TLCD4: variants seen among roughly 807,000 people sequenced by gnomAD.
The protein encoded by TLCD4 is TLC domain containing 4, also known as TLC domain-containing protein 4.
A neutral mutation model predicts 24.2 loss-of-function variants in TLCD4; 7 were observed. That is an observed-to-expected ratio of 0.29 (90% CI 0.16 to 0.54). The LOEUF is 0.54. Among genes scored for constraint, TLCD4 ranks in the 20% least tolerant of loss-of-function variants. TLCD4 has a pLI of 0.95. For synonymous variants in TLCD4, 103 were observed against 106.4 expected, an observed-to-expected ratio of 0.97 and a Z score of 0.20; for missense variants, 259 against 313.9, an observed-to-expected ratio of 0.82 and a Z score of 1.32.
chr1:95,123,521 C>T (rs11808799), intron 1 of TLCD4, among the ~76,000 whole-genome samples: 11,373 of 152,122 alleles, frequency 0.075, 580 homozygotes, highest in East Asian at 0.2. Flanking sequence ...AAAACTAGCT[C>T]ATTACAAAAA....
At chr1:95,170,753 C>G (rs1678183698) in intron 5 of TLCD4, among the ~76,000 whole-genome samples, 1 of 152,012 alleles carries the variant, frequency 6.6e-6, no homozygotes, top group Non-Finnish European at 1.5e-5. Flanking sequence ...TATACTGTTT[C>G]CAAAGTTGTC....
At chr1:95,103,928 C>G in the TLCD4 span, among the ~76,000 whole-genome samples, 1 of 152,182 alleles carries the variant, frequency 6.6e-6, no homozygotes, top group Admixed American at 6.5e-5. Flanking sequence ...AAGAGGATGA[C>G]TTTCTCTTTC....
intron 5 of TLCD4, among the ~76,000 whole-genome samples, chr1:95,169,067 T>G (rs1447857261): frequency 6.6e-6 from 1 of 152,232 alleles, no homozygotes; most frequent in East Asian, 1.9e-4. Flanking sequence ...AGTAGGGAGC[T>G]AGCTCCTTGG....
the TLCD4 span, among the ~76,000 whole-genome samples, chr1:95,097,427 A>G: frequency 6.6e-6 from 1 of 152,228 alleles, no homozygotes; most frequent in South Asian, 2.1e-4. Context: ...ACTGCCAGCT[A>G]TGAGAGAAAT....
At chr1:95,103,098 C>G in the TLCD4 span, among the ~76,000 whole-genome samples, 1 of 152,128 alleles carries the variant, frequency 6.6e-6, no homozygotes, top group African/African-American at 2.4e-5. Context: ...CCTGCCTCAG[C>G]CTCCTGAGTA....
chr1:95,111,309 AAAACAAAAC>A, the TLCD4 span, among the ~76,000 whole-genome samples: 1 of 97,246 alleles, frequency 1.0e-5, no homozygotes, highest in East Asian at 2.9e-4. Context: ...AAAACAAAAC[AAAACAAAAC>A]AAAAAAAAAG....
intron 1 of TLCD4, among the ~76,000 whole-genome samples, chr1:95,128,142 G>A (rs933631648): frequency 1.3e-5 from 2 of 152,156 alleles, no homozygotes; most frequent in Non-Finnish European, 2.9e-5. Context: ...CATTTGTCAC[G>A]TAAATCACAT....
chr1:95,167,071 C>T (rs1380878186), intron 5 of TLCD4, among the ~76,000 whole-genome samples: 3 of 151,700 alleles, frequency 2.0e-5, no homozygotes, highest in Non-Finnish European at 4.4e-5. Context: ...TTTTGAGTGC[C>T]GCATACTGAT....
intron 5 of TLCD4, among the ~76,000 whole-genome samples, chr1:95,155,003 C>CGTAGT (rs994989364): frequency 5.9e-5 from 9 of 151,706 alleles, no homozygotes; most frequent in Non-Finnish European, 7.4e-5. Flanking sequence ...AACATATAGT[C>CGTAGT]GTAGTGTAGT....
the TLCD4 span, among the ~76,000 whole-genome samples, chr1:95,104,276 A>AG: frequency 6.6e-6 from 1 of 152,206 alleles, no homozygotes; most frequent in African/African-American, 2.4e-5. Context: ...TGCAGGGTGC[A>AG]ATGTAAGTTG....
rs1233194294 is a variant in TLCD4, at chr1:95,194,556, CTA to C, written c.*2690_*2691del. Reference sequence around the variant, plus strand: ...TCAGGCATTCTGATATTTAACAACTCTATTAAAATATTTATAGAAAAATAAAA... The same window carrying C: ...TCAGGCATTCTGATATTTAACAACTCTTAAAATATTTATAGAAAAATAAAA... On this transcript the variant is annotated 3_prime_UTR_variant, in exon 7 of 7. Transcript: ENST00000370203. 4 of 151,974 alleles carry C rather than the reference CTA, an allele frequency of 2.6e-5. No homozygotes were observed. The highest frequency in any genetic ancestry group is 1.3e-4 in the Admixed American group (2 of 15,244). 9.4% of individuals were successfully genotyped at this position (151,974 alleles called of 1,614,324 possible).
chr1:95,105,137 G>A, the TLCD4 span, among the ~76,000 whole-genome samples: 1 of 152,130 alleles, frequency 6.6e-6, no homozygotes, highest in African/African-American at 2.4e-5. Flanking sequence ...AGCATCAGGA[G>A]AGAGTATAAT....
At chr1:95,096,841 T>C in the TLCD4 span, among the ~76,000 whole-genome samples, 1 of 152,152 alleles carries the variant, frequency 6.6e-6, no homozygotes, top group Non-Finnish European at 1.5e-5. Context: ...CCTCACACCA[T>C]GTGTGCGTCT....
intron 6 of TLCD4, among the ~76,000 whole-genome samples, chr1:95,176,345 C>T (rs1430367233): frequency 6.6e-6 from 1 of 151,834 alleles, no homozygotes; most frequent in African/African-American, 2.4e-5. Context: ...GCATACACCA[C>T]CATGCCCAGC....
At chr1:95,158,264 T>A (rs1407002940) in intron 5 of TLCD4, among the ~76,000 whole-genome samples, 12 of 149,716 alleles carry the variant, frequency 8.0e-5, no homozygotes, top group African/African-American at 3.0e-4. Context: ...CAGGGCTCAC[T>A]GCAGCCTTGA....
chr1:95,173,211 A>G (rs1678288607), intron 5 of TLCD4, among the ~76,000 whole-genome samples: 1 of 152,178 alleles, frequency 6.6e-6, no homozygotes, highest in Non-Finnish European at 1.5e-5. Context: ...TGAGATTTTT[A>G]AGGTGCTTCC....
chr1:95,196,303 CTG>C lies in TLCD4; in HGVS notation c.*4439_*4440del, dbSNP rs1413109980. The C allele has an allele frequency of 2.0e-5, 3 of 152,142 alleles. No individual in the cohort carries two copies. The highest frequency in any genetic ancestry group is 1.3e-4 in the Admixed American group (2 of 15,278). The allele number at this position is 152,142 out of a possible 1,614,324, so 9.4% of individuals were successfully genotyped here. A position where few individuals can be genotyped will look rare whatever the true frequency, so the allele number is the denominator to read the frequency against. On this transcript the variant is annotated 3_prime_UTR_variant, in exon 7 of 7. Transcript: ENST00000370203. ...GGAGCACAGAGGAACTGAGATAACT[CTG>C]TGTTATGAGAGGGTGGATGCTGGCT...
At chr1:95,140,320 G>A (rs1677163129) in intron 1 of TLCD4, among the ~76,000 whole-genome samples, 2 of 152,066 alleles carry the variant, frequency 1.3e-5, no homozygotes, top group Non-Finnish European at 2.9e-5. Context: ...GTTGCGCTGC[G>A]GTGTTATGAT....
At chr1:95,107,791 A>G in the TLCD4 span, among the ~76,000 whole-genome samples, 1 of 152,152 alleles carries the variant, frequency 6.6e-6, no homozygotes, top group Non-Finnish European at 1.5e-5. Flanking sequence ...AAACAGTGAT[A>G]CTCTAGTATT....
Sources: gnomAD v4.1 joint callset for allele counts (sites outside exome capture counted in the v4.1 genomes callset) on GRCh38, gnomAD v4.1.1 for gene constraint, MANE v1.5 for transcripts, NCBI Gene and HGNC (gene_info 2026-07-23, HGNC 2026-07-21) for gene names.